Variants in MYH6 observed in about 807,000 individuals in gnomAD.
MYH6 encodes the protein myosin-6.
In MYH6, 126 loss-of-function variants were observed where a neutral mutation model predicts 223.2. The ratio of observed to expected loss-of-function variants is 0.56; its 90% CI spans 0.49 to 0.65. The LOEUF (loss-of-function observed/expected upper bound fraction) is 0.65. MYH6 is among the 30% of genes least tolerant of loss of function. The pLI is 0.00. For synonymous variants in MYH6, 978 were observed against 1,010.2 expected (o/e 0.97, Z 0.61); for missense variants, 2,040 against 2,536.4 (o/e 0.80, Z 4.20).
In MYH6 at chr14:23,400,886, A is replaced by T; in HGVS notation, c.1233T>A (p.Tyr411Ter). Reference protein sequence around the residue: ...CHPRVKVGNEYVTKGQSVQQV... With the variant: ...CHPRVKVGNE The stretch of plus-strand genomic sequence containing the variant: ...GCTGCACGCTCTGCCCCTTGGTGAC[A>T]TACTCGTTGCCCACTTTCACCCGAG... The change falls in exon 13 of 39, where the codon TAT becomes TAA. Residue 411 changes from tyrosine to a stop codon, truncating the protein, a stop_gained. Transcript: ENST00000405093. LOFTEE classifies it high-confidence loss of function. 1 of 1,614,224 alleles carries T rather than the reference A, an allele frequency of 6.2e-7. No homozygotes were observed. Among genetic ancestry groups the T allele is most frequent in the Non-Finnish European group, 8.5e-7 (1 of 1,180,030 alleles).
chr14:23,403,564 G>A (rs976825183), intron 9 of MYH6, 118 bp from the exon 10 acceptor site: 23 of 1,161,408 alleles, frequency 2.0e-5, no homozygotes, highest in African/African-American at 1.1e-4. Flanking sequence ...AGGGCCAGGC[G>A]AGAAGATGTG....
Position 23,397,932 on chromosome 14 carries a change from CTCTTCTTCTTCTTCTTCTTCTTCT to C in MYH6, c.1892-343_1892-320del, listed in dbSNP as rs55907025. Among the ~76,000 whole-genome samples the C allele has an allele frequency of 5.3e-3, 475 of 90,028 alleles. 4 individuals are homozygous for C. The highest frequency in any genetic ancestry group is 9.4e-3 in the African/African-American group (218 of 23,212). 59.1% of individuals were successfully genotyped at this position (90,028 alleles called of 152,430 possible). ...AGTTCTCCTCCTCCTCCTCCTCCTC[CTCTTCTTCTTCTTCTTCTTCTTCT>C]TCTTCTTCTTCTTCTTCTTCTTCTT... On this transcript the variant is annotated intron_variant, in intron 15 of 38. Coordinates refer to ENST00000405093, the MANE Select transcript of MYH6 (RefSeq NM_002471.4).
At chr14:23,387,352 T>C (rs900672893) in intron 32 of MYH6, among the ~76,000 whole-genome samples, 177 bp downstream of exon 32, 3 of 152,192 alleles carry the variant, frequency 2.0e-5, no homozygotes, top group Non-Finnish European at 4.4e-5. Flanking sequence ...ACATTTTCCT[T>C]TGTGCAGACC....
rs765197548 is a variant in MYH6, at chr14:23,387,552, G to T, written c.4627C>A (p.Gln1543Lys). 1.2e-6 allele frequency: 2 copies of T among 1,614,010 alleles called. No homozygotes were observed. The highest frequency in any genetic ancestry group is 3.3e-5 in the Admixed American group (2 of 60,026). Residue 1543 changes from glutamine (Q) to lysine (K), a missense_variant, in exon 32 of 39, where the codon CAG (glutamine) becomes AAG (lysine). By Grantham distance (53) the Gln-to-Lys change is moderately conservative. Coordinates refer to ENST00000405093, the MANE Select transcript of MYH6 (RefSeq NM_002471.4). The stretch of plus-strand genomic sequence containing the variant: ...ACCTCTGCCTCCTCCAGGGCTGACT[G>T]CAGCTCCAGCTTCTCCACCTCCAGC... ...KQLEVEKLEL[Q>K]SALEEAEASL...
chr14:23,387,622 T>C lies in MYH6; in HGVS notation c.4557A>G (p.Gly1519=). ...GCTCATGCACATTCTTTCCTCCTTC[T>C]CCTAGCTGCTCAGTAAGGTCCGAGA... The part of the protein sequence containing the change: ...EEISDLTEQL[G]EGGKNVHELE... The change falls in exon 32 of 39, where the codon GGA becomes GGG. Residue 1519 remains glycine (G), a synonymous_variant. Coordinates refer to ENST00000405093, the MANE Select transcript of MYH6 (RefSeq NM_002471.4). The C allele has an allele frequency of 6.2e-7, 1 of 1,613,994 alleles. No homozygotes were observed.
Position 23,387,805 on chromosome 14 carries a change from G to A in MYH6, c.4478C>T (p.Ser1493Phe), listed in dbSNP as rs1364111488. ...LFKLKNAYEE[S>F]LEHLETFKRE... is the part of the protein sequence containing the mutation. Reference sequence around the variant, plus strand: ...CTTGAAGGTCTCTAGGTGCTCCAGGGACTCCTCGTAGGCGTTCTTGAGCTT... The same window carrying A: ...CTTGAAGGTCTCTAGGTGCTCCAGGAACTCCTCGTAGGCGTTCTTGAGCTT... Residue 1493 changes from serine to phenylalanine, a missense_variant, in exon 31 of 39, where the codon TCC (serine) becomes TTC (phenylalanine). Around this residue, in one of 4 missense-constraint regions of MYH6, gnomAD observed 1,203 missense variants for 1,400.2 expected, o/e 0.86. Transcript: ENST00000405093. 3.1e-6 allele frequency: 5 copies of A among 1,613,950 alleles called. No homozygotes were observed. The highest frequency in any genetic ancestry group is 4.2e-6 in the Non-Finnish European group (5 of 1,180,042).
At position 23,386,297 on chromosome 14, in the gene MYH6, C is replaced by T. The variant is rs764224547; in HGVS notation, c.4959+18G>A. On this transcript the variant is annotated intron_variant, in intron 33 of 38. Transcript: ENST00000405093. The stretch of plus-strand genomic sequence containing the variant: ...CATGGAGGCCAGTCCCCTGAGGGGA[C>T]CTCCCGCCCCCATGTACCTTCAGCA... The T allele has an allele frequency of 3.7e-6, 6 of 1,614,106 alleles. No individual in the cohort carries two copies. The highest frequency in any genetic ancestry group is 5.1e-6 in the Non-Finnish European group (6 of 1,180,038).
In MYH6 at chr14:23,382,341, G is replaced by C. The variant is rs1266142699; in HGVS notation, c.5796+87C>G. 13 of 1,585,928 alleles carry C rather than the reference G, an allele frequency of 8.2e-6. No homozygotes were observed. In the Admixed American group the frequency reaches 2.0e-4, roughly 24 times the overall value. The stretch of plus-strand genomic sequence containing the variant: ...GACCCTCAGAACTGCCTACATATAG[G>C]GCAAGCAGTGCCCACTCTGAAGGGC... On this transcript the variant is annotated intron_variant, in intron 38 of 38. Transcript: ENST00000405093.
Position 23,392,604 on chromosome 14 carries a change from C to T in MYH6, c.3300G>A (p.Gln1100=), listed in dbSNP as rs376802694. ...TCTTCTGTAGTTGAAGGGCCAGCAC[C>T]TGCTCATCCTCAATCTTACTGTTCT... ...NQQNSKIEDE[Q]VLALQLQKKL... is the part of the protein sequence containing the mutation. Residue 1100 remains glutamine (Q), a synonymous_variant, in exon 25 of 39, where the codon CAG becomes CAA. Coordinates refer to ENST00000405093, the MANE Select transcript of MYH6 (RefSeq NM_002471.4). The T allele has an allele frequency of 6.2e-7, 1 of 1,611,056 alleles. No homozygotes were observed. Among genetic ancestry groups the T allele is most frequent in the South Asian group, 1.1e-5 (1 of 90,968 alleles).
intron 32 of MYH6, 73 bp from the exon 33 acceptor site, chr14:23,386,696 C>T (rs931035849): frequency 2.3e-5 from 34 of 1,510,884 alleles, no homozygotes; most frequent in Non-Finnish European, 2.8e-5. Context: ...AGAAGATACA[C>T]GGTGTCAGCC....
At position 23,386,300 on chromosome 14, in the gene MYH6, C is replaced by T. The variant is rs974001761; in HGVS notation, c.4959+15G>A. On this transcript the variant is annotated intron_variant, in intron 33 of 38. Transcript: ENST00000405093. ...GGAGGCCAGTCCCCTGAGGGGACCT[C>T]CCGCCCCCATGTACCTTCAGCAAGC... The T allele has an allele frequency of 4.3e-6, 7 of 1,613,986 alleles. No homozygotes were observed. The African/African-American group carries it at 9.3e-5, about 22-fold the overall frequency.
In MYH6 at chr14:23,394,263, G is replaced by A; in HGVS notation, c.2490C>T (p.Pro830=). The A allele has an allele frequency of 6.2e-7, 1 of 1,614,176 alleles. No homozygotes were observed. Among genetic ancestry groups the A allele is most frequent in the East Asian group, 2.2e-5 (1 of 44,880 alleles). The change falls in exon 21 of 39, where the codon CCC becomes CCT. Residue 830 remains proline (P), a synonymous_variant. Coordinates refer to ENST00000405093, the MANE Select transcript of MYH6 (RefSeq NM_002471.4). The part of the protein sequence containing the change: ...IRAFMGVKNW[P]WMKLYFKIKP... ...TGATCTTGAAGTAGAGCTTCATCCA[G>A]GGCCAATTCTTGACCCCCATGAAGG...
chr14:23,399,860 G>A, intron 14 of MYH6: 2 of 319,068 alleles, frequency 6.3e-6, no homozygotes, highest in Non-Finnish European at 1.2e-5. Flanking sequence ...TCTCTTCTGA[G>A]GAATGCCCAT....
At chr14:23,396,577 A>G in intron 19 of MYH6, 117 bp downstream of exon 19, 1 of 1,593,404 alleles carries the variant, frequency 6.3e-7, no homozygotes, top group Non-Finnish European at 8.6e-7. Context: ...CCTGGGTTTC[A>G]GCCCTTGATA....
chr14:23,402,135 C>T (rs1056154319), intron 12 of MYH6, among the ~76,000 whole-genome samples: 1 of 152,202 alleles, frequency 6.6e-6, no homozygotes, highest in African/African-American at 2.4e-5. Flanking sequence ...TATGAGCCCA[C>T]GAGGGGCTTA....
At chr14:23,386,954 T>A (rs181646292) in intron 32 of MYH6, among the ~76,000 whole-genome samples, 35 of 152,314 alleles carry the variant, frequency 2.3e-4, no homozygotes, top group Admixed American at 3.9e-4. Context: ...TATCTTGTTT[T>A]CCAGGTCCCT....
Position 23,393,388 on chromosome 14 carries a change from T to C in MYH6, c.3059A>G (p.Asn1020Ser). Residue 1020 changes from asparagine (N) to serine (S), a missense_variant, in exon 23 of 39, where the codon AAC becomes AGC. By Grantham distance (46) the Asn-to-Ser change is conservative. Transcript: ENST00000405093. ...CTTGACCTTAGACTTGGACAGGCTG[T>C]TGACCTTGTCTTCCTCAACCTGAAG... ...DDLQVEEDKVNSLSKSKVKLE... is the reference protein window; with the variant it reads ...DDLQVEEDKVSSLSKSKVKLE... 1.2e-6 allele frequency: 2 copies of C among 1,614,016 alleles called. No individual in the cohort carries two copies. Among genetic ancestry groups the C allele is most frequent in the Non-Finnish European group, 1.7e-6 (2 of 1,180,016 alleles).
Position 23,405,681 on chromosome 14 carries a change from G to A in MYH6, c.291C>T (p.His97=), listed in dbSNP as rs144535842. 2.0e-5 allele frequency: 33 copies of A among 1,614,064 alleles called. No homozygotes were observed. The highest frequency in any genetic ancestry group is 2.7e-5 in the African/African-American group (2 of 74,918). ...IEDMAMLTFL[H]EPAVLFNLKE... is the part of the protein sequence containing the mutation. Reference sequence around the variant, plus strand: ...TGAGGTTGAAAAGCACCGCGGGCTCGTGCAGGAAGGTCAGCATGGCCATGT... The same window carrying A: ...TGAGGTTGAAAAGCACCGCGGGCTCATGCAGGAAGGTCAGCATGGCCATGT... The change falls in exon 4 of 39, where the codon CAC becomes CAT. Residue 97 remains histidine (H), a synonymous_variant. Transcript: ENST00000405093. This position sits in a 1 kb window ranked among gnomAD's most constrained non-coding sequence, Gnocchi z 4.7.
rs755135301 is a variant in MYH6, at chr14:23,388,188, T to A, written c.4326A>T (p.Ala1442=). The A allele has an allele frequency of 1.2e-6, 2 of 1,612,390 alleles. No individual in the cohort carries two copies. Among genetic ancestry groups the A allele is most frequent in the Non-Finnish European group, 1.7e-6 (2 of 1,180,044 alleles). The change falls in exon 30 of 39, where the codon GCA becomes GCT. Residue 1442 remains alanine (A), a synonymous_variant. Coordinates refer to ENST00000405093, the MANE Select transcript of MYH6 (RefSeq NM_002471.4). ...VDVERSNAAA[A]ALDKKQRNFD... ...AGTTTCTCTGCTTCTTGTCCAGGGC[T>A]GCAGCAGCAGCATTGGAGCGCTCTA...
Sources: gnomAD v4.1 joint callset for allele counts (sites outside exome capture counted in the v4.1 genomes callset) on GRCh38, gnomAD v4.1.1 for gene constraint, gnomAD v4.1.1 regional missense constraint, Gnocchi (gnomAD v3.1) non-coding constraint, MANE v1.5 for transcripts, NCBI Gene and HGNC (gene_info 2026-07-23, HGNC 2026-07-21) for gene names.